Variants in GMDS observed in about 807,000 individuals in gnomAD.
GMDS encodes GDP-mannose 4,6 dehydratase.
In GMDS, 20 loss-of-function variants were observed where a neutral mutation model predicts 49.9. That is an observed-to-expected ratio of 0.40 (90% CI 0.28 to 0.58). The LOEUF (loss-of-function observed/expected upper bound fraction) is 0.58. Ranked by LOEUF, GMDS falls within the 20% of genes least tolerant of loss-of-function variation. The probability of loss-of-function intolerance (pLI) is 0.42; values close to 1 mark genes in which losing one functional copy is unlikely to be tolerated. For synonymous variants in GMDS, 177 were observed against 178.6 expected, an observed-to-expected ratio of 0.99 and a Z score of 0.07; for missense variants, 362 against 481.4, an observed-to-expected ratio of 0.75 and a Z score of 2.32.
At chr6:1,871,347 A>G (rs1396984384) in intron 7 of GMDS, among the ~76,000 whole-genome samples, 1 of 143,920 alleles carries the variant, frequency 6.9e-6, no homozygotes, top group Admixed American at 6.7e-5. Flanking sequence ...GTAGGTCATT[A>G]AATAGTGAAA....
intron 1 of GMDS, among the ~76,000 whole-genome samples, chr6:2,135,762 A>G (rs1470525533): frequency 6.6e-6 from 1 of 152,262 alleles, no homozygotes; most frequent in Non-Finnish European, 1.5e-5. Flanking sequence ...TAAAAAAGGT[A>G]AAAAGAAACA....
chr6:1,970,636 T>C (rs1764546089), intron 4 of GMDS, among the ~76,000 whole-genome samples: 1 of 152,114 alleles, frequency 6.6e-6, no homozygotes, highest in Non-Finnish European at 1.5e-5. Context: ...GACAGAGGTT[T>C]GAAGAGGCTA....
At chr6:1,989,780 G>A (rs1765812474) in intron 4 of GMDS, among the ~76,000 whole-genome samples, 1 of 152,222 alleles carries the variant, frequency 6.6e-6, no homozygotes, top group Admixed American at 6.5e-5. Flanking sequence ...TGTGACCCCT[G>A]TCCAGCCTGG....
intron 7 of GMDS, among the ~76,000 whole-genome samples, chr6:1,768,024 G>A (rs904224171): frequency 2.0e-5 from 3 of 151,930 alleles, no homozygotes; most frequent in Non-Finnish European, 4.4e-5. Context: ...CATAATAAAG[G>A]TAAAAAGTGG....
intron 7 of GMDS, among the ~76,000 whole-genome samples, chr6:1,889,521 A>C (rs1046238418): frequency 2.0e-5 from 3 of 152,140 alleles, no homozygotes; most frequent in Non-Finnish European, 4.4e-5. Flanking sequence ...CTTCCATGCA[A>C]GGAACTTCAC....
intron 9 of GMDS, among the ~76,000 whole-genome samples, chr6:1,658,608 CT>C (rs1213621839): frequency 6.6e-6 from 1 of 152,212 alleles, no homozygotes; most frequent in African/African-American, 2.4e-5. Flanking sequence ...TTAAAGAATA[CT>C]TTCACAGAAA....
At chr6:2,157,618 G>A (rs565959234) in intron 1 of GMDS, among the ~76,000 whole-genome samples, 1 of 152,220 alleles carries the variant, frequency 6.6e-6, no homozygotes, top group Admixed American at 6.5e-5. Context: ...CTACCAAAAC[G>A]AAATCTATAG....
intron 7 of GMDS, among the ~76,000 whole-genome samples, chr6:1,865,177 C>T (rs1758386329): frequency 6.6e-6 from 1 of 152,186 alleles, no homozygotes; most frequent in Non-Finnish European, 1.5e-5. Context: ...AAGAAATATT[C>T]CTCAATTAAG....
chr6:1,717,280 G>C (rs1766208935), intron 9 of GMDS, among the ~76,000 whole-genome samples: 1 of 152,232 alleles, frequency 6.6e-6, no homozygotes, highest in Non-Finnish European at 1.5e-5. Context: ...ATAGATTTTA[G>C]ACTATCAAAG....
At chr6:1,624,272 C>T in intron 10 of GMDS, 41 bp from the exon 11 acceptor site, 1 of 1,586,266 alleles carries the variant, frequency 6.3e-7, no homozygotes, top group Non-Finnish European at 8.6e-7. Flanking sequence ...GCTTCTGCCA[C>T]TCTCTCCTGG....
intron 9 of GMDS, among the ~76,000 whole-genome samples, chr6:1,634,411 C>T (rs1352123739): frequency 6.6e-6 from 1 of 152,236 alleles, no homozygotes; most frequent in East Asian, 1.9e-4. Flanking sequence ...TAAAGGCCTT[C>T]TCCTTTCCCA....
intron 4 of GMDS, among the ~76,000 whole-genome samples, chr6:2,095,154 C>T (rs1407135510): frequency 6.6e-6 from 1 of 152,176 alleles, no homozygotes; most frequent in Non-Finnish European, 1.5e-5. Context: ...CAATCGCAGT[C>T]GGCCAGGTTG....
chr6:1,934,920 C>T (rs1015226868), intron 6 of GMDS, among the ~76,000 whole-genome samples: 3 of 152,070 alleles, frequency 2.0e-5, no homozygotes, highest in South Asian at 2.1e-4. Context: ...GACAAGTAGC[C>T]GAGCCGGACC....
chr6:2,243,867 TTTTTTTTTTG>T (rs1781731784), intron 1 of GMDS, among the ~76,000 whole-genome samples: 1 of 123,112 alleles, frequency 8.1e-6, no homozygotes, highest in African/African-American at 3.4e-5. Flanking sequence ...TTTTTTTTTT[TTTTTTTTTTG>T]AGGCAGGATC....
chr6:1,661,662 G>A (rs998032924), intron 9 of GMDS, among the ~76,000 whole-genome samples: 11 of 152,198 alleles, frequency 7.2e-5, no homozygotes, highest in Non-Finnish European at 1.5e-4. Flanking sequence ...CAGGCTGTCC[G>A]AGGACCCTGC....
At chr6:1,646,534 C>T (rs1040624214) in intron 9 of GMDS, among the ~76,000 whole-genome samples, 2 of 152,130 alleles carry the variant, frequency 1.3e-5, no homozygotes, top group Non-Finnish European at 2.9e-5. Flanking sequence ...GTTCATGCCA[C>T]GGCACGTAGC....
Position 2,191,581 on chromosome 6 carries a change from C to T in GMDS, c.102+53740G>A, listed in dbSNP as rs1026088061. Among the ~76,000 whole-genome samples the T allele has an allele frequency of 1.2e-4, 19 of 152,194 alleles. No homozygotes were observed. Among genetic ancestry groups the T allele is most frequent in the African/African-American group, 3.6e-4 (15 of 41,454 alleles). ...CTACCTCCACTGTCTGGCCTCTCCCCGCTCCAGGCACCTGCTATGATCTCC... is the reference window on the plus strand; with the variant it reads ...CTACCTCCACTGTCTGGCCTCTCCCTGCTCCAGGCACCTGCTATGATCTCC... On this transcript the variant is annotated intron_variant, in intron 1 of 10. Coordinates refer to ENST00000380815, the MANE Select transcript of GMDS (RefSeq NM_001500.4). This position sits in a 1 kb window ranked among gnomAD's most constrained non-coding sequence, Gnocchi z 4.6.
intron 9 of GMDS, among the ~76,000 whole-genome samples, chr6:1,716,681 C>A (rs1766187351): frequency 6.6e-6 from 1 of 152,144 alleles, no homozygotes; most frequent in South Asian, 2.1e-4. Flanking sequence ...GCCACCCACC[C>A]ACTCCACCTG....
intron 7 of GMDS, among the ~76,000 whole-genome samples, chr6:1,865,744 C>T (rs939854943): frequency 6.6e-6 from 1 of 152,160 alleles, no homozygotes; most frequent in Non-Finnish European, 1.5e-5. Context: ...CCCAGCGAAG[C>T]GGTCTGCAGA....
Sources: allele counts gnomAD v4.1 joint callset (sites outside exome capture counted in the v4.1 genomes callset), GRCh38; gene constraint gnomAD v4.1.1; non-coding constraint Gnocchi (gnomAD v3.1); transcripts MANE v1.5; gene names NCBI Gene and HGNC (gene_info 2026-07-23, HGNC 2026-07-21).